PCNX3: variants seen among roughly 807,000 people sequenced by gnomAD.
PCNX3 encodes pecanex-like protein 3.
In PCNX3, 58 loss-of-function variants were observed where a neutral mutation model predicts 207.2. That is an observed-to-expected ratio of 0.28 (90% confidence interval 0.23 to 0.35). The LOEUF is 0.35. Ranked by LOEUF, PCNX3 falls within the 10% of genes least tolerant of loss-of-function variation. The pLI, the probability that PCNX3 is intolerant of heterozygous loss-of-function variation, is 1.00. For synonymous variants in PCNX3, 1,337 were observed against 1,183.5 expected (o/e 1.13, Z -2.66); for missense variants, 2,410 against 2,774.4 (o/e 0.87, Z 2.95).
Position 65,628,904 on chromosome 11 carries a change from C to G in PCNX3, c.3897C>G (p.Ile1299Met). ...LNPLLGSAVF[I>M]MSYARPLKFW... ...CACTGCTAGGCAGTGCCGTCTTCAT[C>G]ATGTCCTACGCTCGGCCCCTCAAGT... The change falls in exon 24 of 35, where the codon ATC becomes ATG. Residue 1299 changes from isoleucine (I) to methionine (M), a missense_variant. By Grantham distance (10) the Ile-to-Met change is conservative (BLOSUM62 1). Transcript: ENST00000355703. 6.2e-7 allele frequency: 1 copy of G among 1,612,720 alleles called. No homozygotes were observed. Among genetic ancestry groups the G allele is most frequent in the Non-Finnish European group, 8.5e-7 (1 of 1,179,838 alleles).
chr11:65,621,480 G>A (rs1855097784), intron 10 of PCNX3, among the ~76,000 whole-genome samples: 1 of 152,214 alleles, frequency 6.6e-6, no homozygotes, highest in African/African-American at 2.4e-5. Context: ...TGCGTGAAAC[G>A]CCATCTTAGA....
rs1357331997 is a variant in PCNX3 at position 65,637,274 on chromosome 11, T to G, written c.*296T>G. ...CTTGGAGCCTGTGGCCAGGACCACCTCAGCCCCTGGGCCTGCACTGCCTGC... is the reference window on the plus strand; with the variant it reads ...CTTGGAGCCTGTGGCCAGGACCACCGCAGCCCCTGGGCCTGCACTGCCTGC... On this transcript the variant is annotated 3_prime_UTR_variant, in exon 35 of 35. Coordinates refer to ENST00000355703, the MANE Select transcript of PCNX3 (RefSeq NM_032223.4). 2.3e-6 allele frequency: 1 copy of G among 439,834 alleles called. No homozygotes were observed. Among genetic ancestry groups the G allele is most frequent in the African/African-American group, 2.0e-5 (1 of 50,914 alleles). 27.2% of individuals were successfully genotyped at this position (439,834 alleles called of 1,614,324 possible).
At chr11:65,617,104 C>T in intron 2 of PCNX3, 93 bp downstream of exon 2, 1 of 1,415,558 alleles carries the variant, frequency 7.1e-7, no homozygotes, top group East Asian at 2.5e-5. Flanking sequence ...GGAACATTGG[C>T]TCTCTGAGTG....
At chr11:65,616,734 T>C in intron 1 of PCNX3, 90 bp from the exon 2 acceptor site, 1 of 1,414,012 alleles carries the variant, frequency 7.1e-7, no homozygotes, top group Non-Finnish European at 9.7e-7. Context: ...TTCTTGTGAG[T>C]CTGTGAATCC....
chr11:65,617,710 C>G lies in PCNX3; in HGVS notation c.577+4C>G, dbSNP rs755610887. ...CTCAGCTCGCAGGAGAAACTGAGTG[C>G]GTGGGCCTTATGGGGCCGAGGCTTG... On this transcript the variant is annotated splice_donor_region_variant and intron_variant, in intron 5 of 34. Transcript: ENST00000355703. 45 of 1,558,638 alleles carry G rather than the reference C, an allele frequency of 2.9e-5. No homozygotes were observed. The highest frequency in any genetic ancestry group is 3.9e-5 in the Non-Finnish European group (45 of 1,151,616).
At position 65,617,235 on chromosome 11, in the gene PCNX3, C is replaced by G. The variant is rs184237306; in HGVS notation, c.342-15C>G. The G allele has an allele frequency of 6.3e-6, 10 of 1,590,160 alleles. No homozygotes were observed. In the Admixed American group the frequency reaches 1.8e-4, roughly 28 times the overall value. On this transcript the variant is annotated splice_polypyrimidine_tract_variant and intron_variant, in intron 2 of 34. Coordinates refer to ENST00000355703, the MANE Select transcript of PCNX3 (RefSeq NM_032223.4). ...GAGAGGTTAGCTCAAAGCTGCTGCT[C>G]TTTTTCACCGCCAGGGACCCCGGAG...
chr11:65,624,809 G>T, intron 15 of PCNX3, 116 bp from the exon 16 acceptor site: 2 of 1,114,098 alleles, frequency 1.8e-6, no homozygotes, highest in Non-Finnish European at 2.6e-6. Context: ...GAGAACAATG[G>T]GCTGGGGGTG....
intron 8 of PCNX3, 69 bp downstream of exon 8, chr11:65,620,001 C>G: frequency 6.8e-7 from 1 of 1,467,584 alleles, no homozygotes; most frequent in Non-Finnish European, 9.2e-7. Flanking sequence ...GTCCTCCTAG[C>G]AGTGGTGCTC....
intron 12 of PCNX3, 115 bp from the exon 13 acceptor site, chr11:65,623,813 CG>C: frequency 1.3e-6 from 2 of 1,548,686 alleles, no homozygotes. Context: ...CAGGACAGTT[CG>C]GGGGCCTGAC....
At position 65,628,788 on chromosome 11, in the gene PCNX3, G is replaced by A. The variant is rs1219285272; in HGVS notation, c.3812-31G>A. ...GGGTGGTGGGGGGCTGGGAGGTCCT[G>A]TTGCCCGCCGCCTCCTTGACTGTGG... On this transcript the variant is annotated intron_variant, in intron 23 of 34. Transcript: ENST00000355703. The A allele has an allele frequency of 1.9e-6, 3 of 1,608,516 alleles. No individual in the cohort carries two copies. The East Asian group carries it at 6.7e-5, about 36-fold the overall frequency.
Position 65,625,523 on chromosome 11 carries a change from G to C in PCNX3, c.3135+13G>C. 6.3e-7 allele frequency: 1 copy of C among 1,594,476 alleles called. No individual in the cohort carries two copies. The highest frequency in any genetic ancestry group is 8.5e-7 in the Non-Finnish European group (1 of 1,173,740). On this transcript the variant is annotated intron_variant, in intron 18 of 34. Transcript: ENST00000355703. The surrounding 1 kb of genome is among the most constrained non-coding windows in gnomAD (Gnocchi z 5.6). ...GCGCCAGTCGGTGGTGAGGGGGCGG[G>C]GGGTGGGGGTCTGTGGGGAGGTGGT...
At chr11:65,623,387 G>T (rs922979086) in intron 11 of PCNX3, 104 bp from the exon 12 acceptor site, 2 of 1,407,376 alleles carry the variant, frequency 1.4e-6, no homozygotes, top group Admixed American at 2.8e-5. Context: ...GTCTGGCATG[G>T]GCACAGTCCC....
chr11:65,624,640 C>T (rs765209322), intron 15 of PCNX3, 59 bp downstream of exon 15: 70 of 1,437,058 alleles, frequency 4.9e-5, no homozygotes, highest in South Asian at 6.1e-5. Context: ...GGAGGGCCCT[C>T]GGATTGGGTC....
intron 6 of PCNX3, 112 bp from the exon 7 acceptor site, chr11:65,619,425 G>A (rs1854950163): frequency 1.3e-6 from 2 of 1,482,996 alleles, no homozygotes; most frequent in Non-Finnish European, 1.8e-6. Context: ...TCAGAGCCGG[G>A]GCGTGGTTGT....
In PCNX3 at chr11:65,635,781, T is replaced by A. The variant is rs1009451667; in HGVS notation, c.5437T>A (p.Trp1813Arg). Residue 1813 changes from tryptophan (W) to arginine (R), a missense_variant, in exon 32 of 35, where the codon TGG (tryptophan) becomes AGG (arginine). Trp to Arg is a moderately radical substitution (Grantham distance 101). Transcript: ENST00000355703. The surrounding 1 kb of genome is among the most constrained non-coding windows in gnomAD (Gnocchi z 9.9). ...CATCAGCCTGGGTGCCATTGCCCAC[T>A]GGCTCCTGCGCACCTGGGAGAGGTG... ...GPISLGAIAHWLLRTWERLHK... is the reference protein window; with the variant it reads ...GPISLGAIAHRLLRTWERLHK... 1 of 1,604,026 alleles carries A rather than the reference T, an allele frequency of 6.2e-7. No homozygotes were observed. The highest frequency in any genetic ancestry group is 1.1e-5 in the South Asian group (1 of 89,698).
Position 65,625,380 on chromosome 11 carries a change from C to T in PCNX3, c.3030-25C>T, listed in dbSNP as rs1341012775. ...GGCCGGGGGGAAGGAGGGGCGGCCT[C>T]CTCCTGACTCTTCCTCACCCCCAGG... On this transcript the variant is annotated intron_variant, in intron 17 of 34. Coordinates refer to ENST00000355703, the MANE Select transcript of PCNX3 (RefSeq NM_032223.4). This position sits in a 1 kb window ranked among gnomAD's most constrained non-coding sequence, Gnocchi z 5.6. 6.3e-7 allele frequency: 1 copy of T among 1,599,542 alleles called. No individual in the cohort carries two copies. The highest frequency in any genetic ancestry group is 8.5e-7 in the Non-Finnish European group (1 of 1,176,542).
intron 8 of PCNX3, 60 bp downstream of exon 8, chr11:65,619,992 T>G (rs1331285059): frequency 1.3e-6 from 2 of 1,510,532 alleles, no homozygotes; most frequent in East Asian, 4.7e-5. Context: ...ACAGCCTGAG[T>G]CCTCCTAGCA....
In PCNX3 at chr11:65,618,288, C is replaced by T; in HGVS notation, c.926C>T (p.Thr309Ile). ...DSCFSGTDRE[T>I]LSSFKSEKTN... ...TGCTTCAGCGGCACTGACAGGGAGA[C>T]ATTGAGCAGCTTCAAGAGTGAGAAG... The change falls in exon 6 of 35, where the codon ACA (threonine) becomes ATA (isoleucine). Residue 309 changes from threonine (T) to isoleucine (I), a missense_variant. Thr to Ile is a moderately conservative substitution (Grantham distance 89). This residue lies in a region of PCNX3 where 1,104 missense variants were observed against 970.3 expected (regional missense o/e 1.14). Coordinates refer to ENST00000355703, the MANE Select transcript of PCNX3 (RefSeq NM_032223.4). 1 of 1,610,230 alleles carries T rather than the reference C, an allele frequency of 6.2e-7. No homozygotes were observed. The highest frequency in any genetic ancestry group is 8.5e-7 in the Non-Finnish European group (1 of 1,178,066).
At chr11:65,626,320 T>C (rs1008848120) in intron 20 of PCNX3, 1 of 645,018 alleles carries the variant, frequency 1.6e-6, no homozygotes, top group Non-Finnish European at 2.9e-6. Context: ...GACGGAAGAA[T>C]TAGAACCCCA....
Sources: allele counts gnomAD v4.1 joint callset (sites outside exome capture counted in the v4.1 genomes callset), GRCh38; gene constraint gnomAD v4.1.1; regional missense constraint gnomAD v4.1.1; non-coding constraint Gnocchi (gnomAD v3.1); transcripts MANE v1.5; gene names NCBI Gene and HGNC (gene_info 2026-07-23, HGNC 2026-07-21).